The following EBPL variants were observed in gnomAD, a reference collection of about 807,000 sequenced individuals.
EBPL encodes the protein emopamil-binding protein-like.
A neutral mutation model predicts 19.0 loss-of-function variants in EBPL; 20 were observed. The observed-to-expected ratio is 1.05, with a 90% CI of 0.74 to 1.53. The LOEUF is 1.53. EBPL is among the 40% of genes most tolerant of loss of function. The probability of loss-of-function intolerance (pLI) is 0.00; values close to 1 mark genes in which losing one functional copy is unlikely to be tolerated. For synonymous variants in EBPL, 107 were observed against 117.0 expected (o/e 0.91, Z 0.55); for missense variants, 219 against 261.1 (o/e 0.84, Z 1.11).
chr13:49,666,049 C>G (rs1383427444), intron 2 of EBPL, among the ~76,000 whole-genome samples: 1 of 152,212 alleles, frequency 6.6e-6, no homozygotes, highest in Non-Finnish European at 1.5e-5. Context: ...GTTGCACACA[C>G]TGTGGCCCGG....
rs1343583037 is a variant in EBPL, at chr13:49,691,246, G to A, written c.171+8C>T. ...TGGGGAGTGCAGGGTCTAGGCGATG[G>A]CACTTACCAGCGCGAAGTGCACCAG... is the stretch of plus-strand genomic sequence containing the variant. On this transcript the variant is annotated splice_region_variant and intron_variant, in intron 1 of 3. Coordinates refer to ENST00000242827, the MANE Select transcript of EBPL (RefSeq NM_032565.5). 1.4e-6 allele frequency: 2 copies of A among 1,380,948 alleles called. No individual in the cohort carries two copies. The highest frequency in any genetic ancestry group is 9.4e-7 in the Non-Finnish European group (1 of 1,065,708). The allele number at this position is 1,380,948 out of a possible 1,614,324, so 85.5% of individuals were successfully genotyped here. A position where few individuals can be genotyped will look rare whatever the true frequency, so the allele number is the denominator to read the frequency against.
intron 1 of EBPL, among the ~76,000 whole-genome samples, chr13:49,688,965 G>A (rs1168408863): frequency 6.6e-6 from 1 of 152,154 alleles, no homozygotes; most frequent in Non-Finnish European, 1.5e-5. Context: ...GTACAAAGAC[G>A]TTGGTAGATG....
At chr13:49,669,115 G>A (rs1461949657) in intron 2 of EBPL, among the ~76,000 whole-genome samples, 1 of 152,100 alleles carries the variant, frequency 6.6e-6, no homozygotes. Flanking sequence ...TCCTGACCTG[G>A]TGATCTACCT....
intron 1 of EBPL, among the ~76,000 whole-genome samples, chr13:49,670,554 G>A (rs1378478470): frequency 6.6e-6 from 1 of 152,162 alleles, no homozygotes; most frequent in Non-Finnish European, 1.5e-5. Flanking sequence ...TCATTTGTAT[G>A]ACATTAAAAC....
chr13:49,676,798 T>C (rs1243431208), intron 1 of EBPL, among the ~76,000 whole-genome samples: 1 of 152,094 alleles, frequency 6.6e-6, no homozygotes, highest in Non-Finnish European at 1.5e-5. Context: ...AAACACCAAA[T>C]ACACATACAG....
chr13:49,661,835 A>G (rs550105802), intron 3 of EBPL: 44 of 1,550,038 alleles, frequency 2.8e-5, no homozygotes, highest in Non-Finnish European at 3.4e-5. Flanking sequence ...TCATTACAAG[A>G]TGGTGGAAAA....
chr13:49,686,229 T>C (rs771840761), intron 1 of EBPL, among the ~76,000 whole-genome samples: 33 of 152,216 alleles, frequency 2.2e-4, no homozygotes, highest in Admixed American at 6.5e-5. Flanking sequence ...TCTGCACTTT[T>C]ACCCTTCTTC....
chr13:49,683,874 G>C (rs911506284), intron 1 of EBPL, among the ~76,000 whole-genome samples: 12 of 152,102 alleles, frequency 7.9e-5, no homozygotes, highest in African/African-American at 2.2e-4. Context: ...ACACAGACTT[G>C]GATGCAGATA....
At chr13:49,667,817 C>T (rs1053448093) in intron 2 of EBPL, among the ~76,000 whole-genome samples, 4 of 152,138 alleles carry the variant, frequency 2.6e-5, no homozygotes, top group Admixed American at 6.5e-5. Flanking sequence ...ATAATGTAAA[C>T]GTGAAGATGA....
chr13:49,669,158 C>T (rs1327863205), intron 2 of EBPL, among the ~76,000 whole-genome samples: 5 of 152,100 alleles, frequency 3.3e-5, no homozygotes, highest in East Asian at 3.8e-4. Context: ...GGATTACAGG[C>T]GTGAGCCACC....
rs371138912 is a variant in EBPL at position 49,691,449 on chromosome 13, C to T, written c.-25G>A. On this transcript the variant is annotated 5_prime_UTR_variant, in exon 1 of 4. Transcript: ENST00000242827. Reference sequence around the variant, plus strand: ...TGCTTCAGGCTTCCGACGCCAACGGCCCAGGACCATGCGGCAGAGGAAAGC... The same window carrying T: ...TGCTTCAGGCTTCCGACGCCAACGGTCCAGGACCATGCGGCAGAGGAAAGC... 1.5e-6 allele frequency: 2 copies of T among 1,312,514 alleles called. No individual in the cohort carries two copies. The highest frequency in any genetic ancestry group is 1.9e-6 in the Non-Finnish European group (2 of 1,030,010). 81.3% of individuals were successfully genotyped at this position (1,312,514 alleles called of 1,614,324 possible).
chr13:49,665,278 TACTG>T (rs901143428), intron 2 of EBPL, among the ~76,000 whole-genome samples: 6 of 152,240 alleles, frequency 3.9e-5, no homozygotes, highest in South Asian at 2.1e-4. Flanking sequence ...ACTCAGCTAA[TACTG>T]ACTGACTGAG....
intron 1 of EBPL, among the ~76,000 whole-genome samples, chr13:49,681,042 C>A (rs1207262418): frequency 6.6e-6 from 1 of 152,074 alleles, no homozygotes; most frequent in African/African-American, 2.4e-5. Flanking sequence ...AAAATATTTT[C>A]TCCCTGCTAT....
At chr13:49,686,733 T>C (rs1954002798) in intron 1 of EBPL, 4 of 804,570 alleles carry the variant, frequency 5.0e-6, no homozygotes, top group South Asian at 1.7e-5. Flanking sequence ...CCCAGCACTC[T>C]CTCTTCTGCC....
At chr13:49,679,067 C>T (rs1013357675) in intron 1 of EBPL, among the ~76,000 whole-genome samples, 2 of 150,080 alleles carry the variant, frequency 1.3e-5, no homozygotes, top group African/African-American at 4.9e-5. Context: ...CACACAAAGA[C>T]CGAAGATCAA....
chr13:49,690,340 G>T (rs1184987284), intron 1 of EBPL, among the ~76,000 whole-genome samples: 2 of 151,350 alleles, frequency 1.3e-5, no homozygotes, highest in African/African-American at 4.9e-5. Context: ...CCCAAAACTC[G>T]GCTTGCTTTC....
intron 1 of EBPL, among the ~76,000 whole-genome samples, chr13:49,673,992 C>CA (rs67640243): frequency 7.7e-5 from 11 of 142,656 alleles, no homozygotes; most frequent in African/African-American, 1.0e-4. Context: ...CACACACACA[C>CA]CACACAAAGA....
At chr13:49,683,425 G>A (rs1953963295) in intron 1 of EBPL, among the ~76,000 whole-genome samples, 1 of 152,096 alleles carries the variant, frequency 6.6e-6, no homozygotes, top group African/African-American at 2.4e-5. Flanking sequence ...CAGCTACTTG[G>A]GAGGCTGAGG....
intron 1 of EBPL, among the ~76,000 whole-genome samples, chr13:49,683,272 A>C (rs1387999336): frequency 6.6e-6 from 1 of 151,866 alleles, no homozygotes; most frequent in African/African-American, 2.4e-5. Flanking sequence ...CACGCCTGTA[A>C]TCCCAGCACC....
Sources: gnomAD v4.1 joint callset for allele counts (sites outside exome capture counted in the v4.1 genomes callset) on GRCh38, gnomAD v4.1.1 for gene constraint, MANE v1.5 for transcripts, NCBI Gene and HGNC (gene_info 2026-07-23, HGNC 2026-07-21) for gene names.